Variants in CCZ1 observed in about 807,000 individuals in gnomAD.
CCZ1 encodes the protein CCZ1 vacuolar protein trafficking and biogenesis associated.
CCZ1 carries 19 observed loss-of-function variants against 57.8 expected under a neutral mutation model. The observed-to-expected ratio is 0.33, with a 90% CI of 0.23 to 0.48. CCZ1 has a LOEUF of 0.48. Among genes scored for constraint, CCZ1 ranks in the 20% least tolerant of loss-of-function variants. CCZ1 has a pLI of 0.99. For synonymous variants in CCZ1, 81 were observed against 167.0 expected (o/e 0.49, Z 3.97); for missense variants, 200 against 492.0 (o/e 0.41, Z 5.61).
chr7:5,906,601 G>A (rs1781832042), intron 7 of CCZ1, among the ~76,000 whole-genome samples: 1 of 148,892 alleles, frequency 6.7e-6, no homozygotes, highest in Non-Finnish European at 1.5e-5. Flanking sequence ...TCGATTACAG[G>A]TGTGAGCCAC....
rs558463529 is a variant in CCZ1, at chr7:5,910,821, C to T, written c.780+705C>T. ...TGCAATCTCAGCTCACTGCAACTTC[C>T]GCTTCCTGGATTCAAACAATTCTCC... On this transcript the variant is annotated intron_variant, in intron 8 of 14. Transcript: ENST00000325974. Among the ~76,000 whole-genome samples, 15 of 147,248 alleles carry T rather than the reference C, an allele frequency of 1.0e-4. 1 individual carries two copies. The highest frequency in any genetic ancestry group is 2.0e-4 in the Admixed American group (3 of 14,904).
At chr7:5,923,089 C>T (rs1361421763) in intron 12 of CCZ1, among the ~76,000 whole-genome samples, 41 of 118,280 alleles carry the variant, frequency 3.5e-4, no homozygotes, top group Non-Finnish European at 3.8e-4. Context: ...GAGGCCAAGG[C>T]GGGTGGATCA....
intron 10 of CCZ1, among the ~76,000 whole-genome samples, chr7:5,915,580 T>C (rs1252693880): frequency 3.6e-4 from 55 of 151,582 alleles, no homozygotes; most frequent in Middle Eastern, 3.4e-3. Context: ...CTCACCCTCG[T>C]ACACTTAAAA....
chr7:5,910,157 G>A, intron 8 of CCZ1, 41 bp downstream of exon 8: 1 of 1,531,152 alleles, frequency 6.5e-7, no homozygotes, highest in South Asian at 1.1e-5. Flanking sequence ...ACATGCAGGG[G>A]CACAGAGAGG....
chr7:5,920,470 C>CTTTTTTTTTTTT lies in CCZ1; in HGVS notation c.1106+510_1106+521dup, dbSNP rs200899553. Among the ~76,000 whole-genome samples the CTTTTTTTTTTTT allele has an allele frequency of 9.5e-3, 909 of 95,780 alleles. 49 individuals are homozygous for CTTTTTTTTTTTT. The highest frequency in any genetic ancestry group is 0.032 in the African/African-American group (762 of 23,608). The allele number at this position is 95,780 out of a possible 152,430, so 62.8% of individuals were successfully genotyped here. A position where few individuals can be genotyped will look rare whatever the true frequency, so the allele number is the denominator to read the frequency against. On this transcript the variant is annotated intron_variant, in intron 12 of 14. Transcript: ENST00000325974. ...ATGTCCTTGAATTCTTTCTCCCTGGCTTTTTTTTTTTTTTTTTGAGACAAA... is the reference window on the plus strand; with the variant it reads ...ATGTCCTTGAATTCTTTCTCCCTGGCTTTTTTTTTTTTTTTTTTTTTTTTTTTTTGAGACAAA...
rs376904530 is a variant in CCZ1, at chr7:5,912,961, A to G, written c.954+7A>G. ...CCATTTAATCGTTTATAAGGTAACAACTGTTTTCCTTCCAGCGTTAATGAT... is the reference window on the plus strand; with the variant it reads ...CCATTTAATCGTTTATAAGGTAACAGCTGTTTTCCTTCCAGCGTTAATGAT... On this transcript the variant is annotated splice_region_variant and intron_variant, in intron 10 of 14. Coordinates refer to ENST00000325974, the MANE Select transcript of CCZ1 (RefSeq NM_015622.6). The G allele has an allele frequency of 2.4e-5, 39 of 1,607,320 alleles. No homozygotes were observed. The East Asian group carries it at 7.2e-4, about 30-fold the overall frequency.
intron 6 of CCZ1, among the ~76,000 whole-genome samples, chr7:5,904,158 T>G (rs1781750129): frequency 7.8e-6 from 1 of 128,808 alleles, no homozygotes; most frequent in African/African-American, 3.1e-5. Context: ...AATGGTGTGA[T>G]CTTGGCTCAC....
At chr7:5,915,782 C>CCCCT (rs1779136979) in intron 10 of CCZ1, among the ~76,000 whole-genome samples, 1 of 127,882 alleles carries the variant, frequency 7.8e-6, no homozygotes, top group East Asian at 2.7e-4. Context: ...TCCAAAACCC[C>CCCCT]CGGGAGGTGC....
At chr7:5,912,105 C>T (rs1041161776) in intron 9 of CCZ1, among the ~76,000 whole-genome samples, 183 bp downstream of exon 9, 2 of 150,054 alleles carry the variant, frequency 1.3e-5, no homozygotes, top group Non-Finnish European at 3.0e-5. Context: ...CAGGCATGAG[C>T]CACTATGCCT....
intron 10 of CCZ1, among the ~76,000 whole-genome samples, chr7:5,917,564 TTTTTG>T (rs1471567678): frequency 2.3e-4 from 2 of 8,592 alleles, no homozygotes; most frequent in African/African-American, 1.7e-3. Flanking sequence ...TTTGTTTTTG[TTTTTG>T]TTTTTTTTGA....
intron 14 of CCZ1, among the ~76,000 whole-genome samples, chr7:5,924,483 T>C (rs1779318255): frequency 1.0e-5 from 1 of 99,236 alleles, no homozygotes; most frequent in South Asian, 3.0e-4. Flanking sequence ...CAAGTGATCC[T>C]CTGGCCTCCC....
At chr7:5,907,808 T>C (rs561075892) in intron 7 of CCZ1, among the ~76,000 whole-genome samples, 1 of 15,244 alleles carries the variant, frequency 6.6e-5, no homozygotes, top group Non-Finnish European at 1.3e-4. Flanking sequence ...AAAATAACCT[T>C]CAAGCAAAAC....
rs1781773994 is a variant in CCZ1, at chr7:5,905,133, G to A, written c.562G>A (p.Asp188Asn). The part of the protein sequence containing the change: ...TLHLQSCDLL[D>N]IFGGISFFPL... ...ACATTTGCAGTCATGTGACCTACTT[G>A]ACATTTTTGGTGGAATCAGCTTCTT... is the stretch of plus-strand genomic sequence containing the variant. Residue 188 changes from aspartate to asparagine, a missense_variant, in exon 7 of 15, where the codon GAC becomes AAC. Physicochemically the swap from Asp to Asn is conservative, Grantham distance 23. Around this residue, in one of 5 missense-constraint regions of CCZ1, gnomAD observed 128 missense variants for 178.4 expected, o/e 0.72. Coordinates refer to ENST00000325974, the MANE Select transcript of CCZ1 (RefSeq NM_015622.6). 6.3e-7 allele frequency: 1 copy of A among 1,594,918 alleles called. No individual in the cohort carries two copies. The highest frequency in any genetic ancestry group is 8.5e-7 in the Non-Finnish European group (1 of 1,177,162).
At chr7:5,901,267 T>A in intron 4 of CCZ1, 1 of 145,758 alleles carries the variant, frequency 6.9e-6, no homozygotes, top group Admixed American at 8.3e-5. Context: ...GGCAGATTAC[T>A]TGAGGTCAGG....
At chr7:5,911,262 T>C (rs4724753) in intron 8 of CCZ1, among the ~76,000 whole-genome samples, 80,214 of 147,532 alleles carry the variant, frequency 0.54, 22,752 homozygotes, top group East Asian at 0.82. Context: ...GAGCTTAACA[T>C]ACAAAAATCA....
Position 5,926,407 on chromosome 7 carries a change from T to TG in CCZ1, c.*724dup, listed in dbSNP as rs780874155. On this transcript the variant is annotated 3_prime_UTR_variant, in exon 15 of 15. Coordinates refer to ENST00000325974, the MANE Select transcript of CCZ1 (RefSeq NM_015622.6). ...TCTTGCTGGTGATGGTCTTGCTGGATGGGGACACGGTCACATCCTCCTTGG... is the reference window on the plus strand; with the variant it reads ...TCTTGCTGGTGATGGTCTTGCTGGATGGGGGACACGGTCACATCCTCCTTGG... The TG allele has an allele frequency of 1.2e-5, 18 of 1,530,466 alleles. 1 individual carries two copies. Among genetic ancestry groups the TG allele is most frequent in the Non-Finnish European group, 1.6e-5 (18 of 1,117,654 alleles). 94.8% of individuals were successfully genotyped at this position (1,530,466 alleles called of 1,614,324 possible).
rs1386129878 is a variant in CCZ1 at position 5,910,530 on chromosome 7, G to A, written c.780+414G>A. 6.1e-5 allele frequency among the ~76,000 whole-genome samples: 9 copies of A among 146,388 alleles called. 1 individual carries two copies. Among genetic ancestry groups the A allele is most frequent in the African/African-American group, 2.0e-4 (8 of 39,940 alleles). ...TTTTAGTAGAGACAGGTTTCACTAT[G>A]TTGGCCAGGCTGGTCTCGAACTCCT... is the stretch of plus-strand genomic sequence containing the variant. On this transcript the variant is annotated intron_variant, in intron 8 of 14. Transcript: ENST00000325974.
At chr7:5,907,505 CGCCATGGGTGCAA>C (rs1781861235) in intron 7 of CCZ1, among the ~76,000 whole-genome samples, 1 of 147,622 alleles carries the variant, frequency 6.8e-6, no homozygotes, top group African/African-American at 2.5e-5. Context: ...ACACAAGCCC[CGCCATGGGTGCAA>C]ACTCCTGAGA....
intron 7 of CCZ1, 88 bp downstream of exon 7, chr7:5,905,357 G>A (rs1225184143): frequency 1.4e-6 from 1 of 725,472 alleles, no homozygotes; most frequent in Non-Finnish European, 2.2e-6. Flanking sequence ...TTGTCAAACA[G>A]GAACTTGCAG....
Sources: allele counts gnomAD v4.1 joint callset (sites outside exome capture counted in the v4.1 genomes callset), GRCh38; gene constraint gnomAD v4.1.1; regional missense constraint gnomAD v4.1.1; transcripts MANE v1.5; gene names NCBI Gene and HGNC (gene_info 2026-07-23, HGNC 2026-07-21).